The following TSNARE1 variants were observed in gnomAD, a reference collection of about 807,000 sequenced individuals.
The protein encoded by TSNARE1 is t-SNARE domain containing 1.
TSNARE1 carries 49 observed loss-of-function variants against 62.0 expected under a neutral mutation model. The ratio of observed to expected loss-of-function variants is 0.79; its 90% CI spans 0.63 to 1.00. The LOEUF is 1.00. Ranked by LOEUF, TSNARE1 falls within the 50% of genes least tolerant of loss-of-function variation. The probability of loss-of-function intolerance (pLI) is 0.00; values close to 1 mark genes in which losing one functional copy is unlikely to be tolerated. For missense variants in TSNARE1, 755 were observed against 700.1 expected (o/e 1.08, Z -0.88); for synonymous variants, 328 against 294.4 (o/e 1.11, Z -1.17).
At chr8:142,383,828 GCCC>G (rs1017579629) in intron 1 of TSNARE1, among the ~76,000 whole-genome samples, 2 of 152,124 alleles carry the variant, frequency 1.3e-5, no homozygotes, top group African/African-American at 4.8e-5. Flanking sequence ...CAAGGAGAAT[GCCC>G]CCACCACTGC....
chr8:142,213,595 G>A (rs1005121533), intron 13 of TSNARE1, among the ~76,000 whole-genome samples: 12 of 152,272 alleles, frequency 7.9e-5, no homozygotes, highest in Admixed American at 1.3e-4. Flanking sequence ...AACTCCCTGC[G>A]GCCAGGAGCA....
At chr8:142,279,651 G>C (rs1454450910) in intron 11 of TSNARE1, among the ~76,000 whole-genome samples, 1 of 152,188 alleles carries the variant, frequency 6.6e-6, no homozygotes, top group Non-Finnish European at 1.5e-5. Flanking sequence ...GAGACAGGCA[G>C]AACCCTCCCT....
At chr8:142,282,609 GGA>G (rs1821775943) in intron 11 of TSNARE1, among the ~76,000 whole-genome samples, 1 of 95,444 alleles carries the variant, frequency 1.0e-5, no homozygotes, top group Non-Finnish European at 2.0e-5. Context: ...TGAGCAGAGG[GGA>G]GGCCACTGTC....
At chr8:142,256,343 T>TCACCACCAC (rs1818560165) in intron 12 of TSNARE1, among the ~76,000 whole-genome samples, 4 of 129,274 alleles carry the variant, frequency 3.1e-5, no homozygotes, top group Non-Finnish European at 6.7e-5. Flanking sequence ...GCCACCATCA[T>TCACCACCAC]CATCACCATC....
intron 9 of TSNARE1, among the ~76,000 whole-genome samples, chr8:142,304,481 A>C (rs886067089): frequency 9.9e-5 from 15 of 152,194 alleles, no homozygotes; most frequent in African/African-American, 3.6e-4. Flanking sequence ...CTCCACCCAC[A>C]CGGTCTGACC....
chr8:142,395,028 C>T (rs189354664), intron 1 of TSNARE1, among the ~76,000 whole-genome samples: 4 of 152,276 alleles, frequency 2.6e-5, no homozygotes, highest in Non-Finnish European at 5.9e-5. Flanking sequence ...AGGACCTGCC[C>T]GCCTGCAGGA....
chr8:142,277,614 G>C (rs1411479024), intron 11 of TSNARE1: 1 of 985,316 alleles, frequency 1.0e-6, no homozygotes, highest in African/African-American at 1.7e-5. Flanking sequence ...GTCTGGCCCT[G>C]TCCTAAGCAC....
intron 13 of TSNARE1, among the ~76,000 whole-genome samples, chr8:142,217,353 A>G (rs1815917839): frequency 7.3e-6 from 1 of 137,010 alleles, no homozygotes; most frequent in Non-Finnish European, 1.6e-5. Context: ...GAAAGAAAGA[A>G]AGAAAGAAAG....
intron 1 of TSNARE1, among the ~76,000 whole-genome samples, chr8:142,355,315 T>C (rs1834637964): frequency 6.6e-6 from 1 of 152,228 alleles, no homozygotes; most frequent in Non-Finnish European, 1.5e-5. Flanking sequence ...GCAAGAGCCA[T>C]GGGGCCTCTC....
At chr8:142,392,039 T>C (rs1292571734) in intron 1 of TSNARE1, among the ~76,000 whole-genome samples, 1 of 152,228 alleles carries the variant, frequency 6.6e-6, no homozygotes, top group Non-Finnish European at 1.5e-5. Flanking sequence ...TTTTCTTTTT[T>C]TGAGACGGAG....
intron 1 of TSNARE1, among the ~76,000 whole-genome samples, chr8:142,357,945 A>C (rs370684995): frequency 6.6e-6 from 1 of 152,014 alleles, no homozygotes; most frequent in Admixed American, 6.6e-5. Context: ...CCATCACTGC[A>C]AAGGGCGGCG....
At chr8:142,361,373 G>T (rs977040634) in intron 1 of TSNARE1, among the ~76,000 whole-genome samples, 1 of 152,252 alleles carries the variant, frequency 6.6e-6, no homozygotes, top group Non-Finnish European at 1.5e-5. Context: ...TTGGGCTGCA[G>T]GACATGAGCG....
intron 10 of TSNARE1, among the ~76,000 whole-genome samples, chr8:142,297,874 C>T (rs1825032284): frequency 6.6e-6 from 1 of 152,202 alleles, no homozygotes; most frequent in South Asian, 2.1e-4. Context: ...GGTGTACAGA[C>T]GCCTTCCAAG....
chr8:142,289,871 T>C (rs1470296341), intron 10 of TSNARE1, among the ~76,000 whole-genome samples: 1 of 151,860 alleles, frequency 6.6e-6, no homozygotes, highest in Non-Finnish European at 1.5e-5. Context: ...GCAGGCGCAG[T>C]GGGGCTGGGA....
intron 1 of TSNARE1, among the ~76,000 whole-genome samples, chr8:142,369,788 T>C (rs1326093367): frequency 6.6e-6 from 1 of 151,280 alleles, no homozygotes; most frequent in Non-Finnish European, 1.5e-5. Context: ...GAGAAAAAAG[T>C]GAAAAAAGAA....
chr8:142,369,371 C>G (rs1835772204), intron 1 of TSNARE1, among the ~76,000 whole-genome samples: 1 of 152,180 alleles, frequency 6.6e-6, no homozygotes, highest in South Asian at 2.1e-4. Context: ...GGGGCATGCC[C>G]ATTTCTGAGC....
At chr8:142,389,737 T>C (rs1054436309) in intron 1 of TSNARE1, among the ~76,000 whole-genome samples, 5 of 152,376 alleles carry the variant, frequency 3.3e-5, no homozygotes, top group Admixed American at 2.6e-4. Context: ...TGCAGGAATG[T>C]GTCATATCAT....
At chr8:142,280,046 A>G in intron 11 of TSNARE1, 3 of 1,235,620 alleles carry the variant, frequency 2.4e-6, no homozygotes, top group Non-Finnish European at 3.1e-6. Flanking sequence ...CGGCGGCAGT[A>G]GCCCAGCGCG....
At chr8:142,369,982 A>C (rs1419932171) in intron 1 of TSNARE1, among the ~76,000 whole-genome samples, 1 of 152,144 alleles carries the variant, frequency 6.6e-6, no homozygotes, top group Non-Finnish European at 1.5e-5. Flanking sequence ...TGGTGTTAGG[A>C]GGAGGGCCTT....
Sources: gnomAD v4.1 joint callset for allele counts (sites outside exome capture counted in the v4.1 genomes callset) on GRCh38, gnomAD v4.1.1 for gene constraint, MANE v1.5 for transcripts, NCBI Gene and HGNC (gene_info 2026-07-23, HGNC 2026-07-21) for gene names.